The following BNC2 variants were observed in gnomAD, a reference collection of about 807,000 sequenced individuals.
The protein encoded by BNC2 is basonuclin zinc finger protein 2, also known as zinc finger protein basonuclin-2.
In BNC2, 20 loss-of-function variants were observed where a neutral mutation model predicts 76.3. That is an observed-to-expected ratio of 0.26 (90% CI 0.18 to 0.38). The LOEUF is 0.38. BNC2 is among the 10% of genes least tolerant of loss of function. The pLI is 1.00. For synonymous variants in BNC2, 582 were observed against 514.8 expected (o/e 1.13, Z -1.77); for missense variants, 1,382 against 1,399.8 (o/e 0.99, Z 0.20).
chr9:16,757,993 T>C (rs1361616479), intron 1 of BNC2, among the ~76,000 whole-genome samples: 3 of 152,182 alleles, frequency 2.0e-5, no homozygotes, highest in Admixed American at 6.5e-5. Context: ...GTTCTTATCT[T>C]ACAGTTATAT....
intron 3 of BNC2, among the ~76,000 whole-genome samples, chr9:16,704,251 C>T (rs1267265339): frequency 1.3e-5 from 2 of 152,164 alleles, no homozygotes; most frequent in African/African-American, 2.4e-5. Flanking sequence ...AAATCATACA[C>T]ACCCTCAGTA....
intron 3 of BNC2, among the ~76,000 whole-genome samples, chr9:16,688,799 G>A (rs1292664122): frequency 2.0e-5 from 3 of 152,070 alleles, no homozygotes; most frequent in African/African-American, 7.2e-5. Flanking sequence ...CATTATCTTA[G>A]TACTGTAACA....
intron 1 of BNC2, among the ~76,000 whole-genome samples, chr9:16,769,203 G>T (rs1451174821): frequency 1.3e-5 from 2 of 152,148 alleles, no homozygotes; most frequent in Non-Finnish European, 2.9e-5. Flanking sequence ...ACAAAACTAA[G>T]TGCGCTTTTT....
intron 1 of BNC2, among the ~76,000 whole-genome samples, chr9:16,790,218 G>A (rs1817466283): frequency 6.6e-6 from 1 of 152,176 alleles, no homozygotes; most frequent in South Asian, 2.1e-4. Flanking sequence ...AGGATGGTCT[G>A]GATCTACTGA....
At chr9:16,601,669 A>G (rs75856800) in intron 3 of BNC2, among the ~76,000 whole-genome samples, 2,488 of 148,688 alleles carry the variant, frequency 0.017, 45 homozygotes, top group South Asian at 0.095. Context: ...GGGTCTGGGT[A>G]CCTAAATGGC....
At chr9:16,674,804 G>A (rs1017700896) in intron 3 of BNC2, among the ~76,000 whole-genome samples, 1 of 152,122 alleles carries the variant, frequency 6.6e-6, no homozygotes, top group South Asian at 2.1e-4. Flanking sequence ...CTGCGTATAT[G>A]CTCCTTGAAG....
At chr9:16,677,350 ATTAC>A (rs1204164603) in intron 3 of BNC2, among the ~76,000 whole-genome samples, 2 of 152,182 alleles carry the variant, frequency 1.3e-5, no homozygotes, top group African/African-American at 4.8e-5. Flanking sequence ...AGGCTGGCAG[ATTAC>A]TTGAGATCAA....
chr9:16,476,097 A>C (rs1821922215), intron 5 of BNC2: 2 of 152,154 alleles, frequency 1.3e-5, no homozygotes, highest in Admixed American at 6.5e-5. Context: ...CCACCATTAA[A>C]ACTGAAAGGG....
chr9:16,849,352 A>T (rs1053383367), intron 1 of BNC2, among the ~76,000 whole-genome samples: 26 of 90,076 alleles, frequency 2.9e-4, no homozygotes, highest in African/African-American at 9.6e-4. Context: ...CATGCAAAAG[A>T]TTTTTTTTTT....
intron 5 of BNC2, among the ~76,000 whole-genome samples, chr9:16,545,195 A>T (rs1446266479): frequency 6.6e-6 from 1 of 152,130 alleles, no homozygotes. Flanking sequence ...CTTTTTCTCT[A>T]CTGGTTAGAA....
chr9:16,789,083 G>A (rs10756815), intron 1 of BNC2, among the ~76,000 whole-genome samples: 112,389 of 152,062 alleles, frequency 0.74, 42,680 homozygotes, highest in Non-Finnish European at 0.85. Context: ...CAACAACATG[G>A]ATCAATCTCA....
intron 1 of BNC2, among the ~76,000 whole-genome samples, chr9:16,800,126 A>G (rs2253949): frequency 0.99 from 150,458 of 152,016 alleles, 74,471 homozygotes; most frequent in East Asian, 1. Flanking sequence ...TCGGGAGGCT[A>G]AGGCAGGAGA....
At chr9:16,719,508 G>T (rs900751246) in intron 3 of BNC2, among the ~76,000 whole-genome samples, 3 of 152,130 alleles carry the variant, frequency 2.0e-5, no homozygotes, top group South Asian at 2.1e-4. Flanking sequence ...ATCATAAAAT[G>T]TGAGTTCTGA....
chr9:16,813,868 G>C (rs1001476737), intron 1 of BNC2, among the ~76,000 whole-genome samples: 1 of 152,116 alleles, frequency 6.6e-6, no homozygotes, highest in African/African-American at 2.4e-5. Flanking sequence ...GTGTCCAGCA[G>C]AAATAAAAGC....
intron 3 of BNC2, among the ~76,000 whole-genome samples, chr9:16,588,608 C>G (rs1819836965): frequency 6.6e-6 from 1 of 152,008 alleles, no homozygotes; most frequent in South Asian, 2.1e-4. Context: ...AAAAGTACAT[C>G]TAAAATATAC....
At chr9:16,705,484 C>T (rs1163677026) in intron 3 of BNC2, among the ~76,000 whole-genome samples, 2 of 152,168 alleles carry the variant, frequency 1.3e-5, no homozygotes, top group Admixed American at 1.3e-4. Flanking sequence ...AGGCATGTGT[C>T]ACCCTGGAAT....
chr9:16,496,224 T>C (rs1317632386), intron 5 of BNC2, among the ~76,000 whole-genome samples: 2 of 152,006 alleles, frequency 1.3e-5, no homozygotes, highest in Non-Finnish European at 2.9e-5. Flanking sequence ...GAATGTTTCA[T>C]TAAAAACAAA....
intron 1 of BNC2, among the ~76,000 whole-genome samples, chr9:16,788,228 T>C (rs186021854): frequency 1.3e-3 from 202 of 152,238 alleles, no homozygotes; most frequent in African/African-American, 4.7e-3. Flanking sequence ...TAACCACAGA[T>C]GAACTGACTT....
At chr9:16,617,167 A>G (rs1201891711) in intron 3 of BNC2, among the ~76,000 whole-genome samples, 3 of 152,176 alleles carry the variant, frequency 2.0e-5, no homozygotes, top group African/African-American at 7.2e-5. Context: ...TTTACTGTCA[A>G]GTCCACTTTA....
Sources: allele counts gnomAD v4.1 joint callset (sites outside exome capture counted in the v4.1 genomes callset), GRCh38; gene constraint gnomAD v4.1.1; transcripts MANE v1.5; gene names NCBI Gene and HGNC (gene_info 2026-07-23, HGNC 2026-07-21).